CHLSN: variants seen among roughly 807,000 people sequenced by gnomAD.
The protein encoded by CHLSN is protein cholesin.
chr7:1,086,629 C>T, the CHLSN span, among the ~76,000 whole-genome samples: 1 of 152,212 alleles, frequency 6.6e-6, no homozygotes. Flanking sequence ...CCCCTGGAGG[C>T]CCAGCACCCC....
the CHLSN span, chr7:1,059,203 A>C: frequency 6.0e-6 from 1 of 167,504 alleles, no homozygotes; most frequent in South Asian, 2.1e-4. Flanking sequence ...AACCTGTCCT[A>C]AATCAATTCC....
the CHLSN span, among the ~76,000 whole-genome samples, chr7:1,010,845 C>A: frequency 2.4e-3 from 359 of 152,294 alleles, 1 homozygote; most frequent in Admixed American, 5.4e-3. Flanking sequence ...CCGCTGTCCA[C>A]ATGCTTCGTC....
the CHLSN span, among the ~76,000 whole-genome samples, chr7:1,064,513 G>A: frequency 3.3e-5 from 5 of 152,310 alleles, no homozygotes; most frequent in South Asian, 4.1e-4. Context: ...GCTTCCCACA[G>A]CGCCTAAACG....
At chr7:1,092,585 G>T in the CHLSN span, 1 of 1,611,252 alleles carries the variant, frequency 6.2e-7, no homozygotes, top group Non-Finnish European at 8.5e-7. Flanking sequence ...CTCCTGCAGC[G>T]GACGCAGCCT....
the CHLSN span, among the ~76,000 whole-genome samples, chr7:1,077,166 A>AT: frequency 6.6e-6 from 1 of 151,808 alleles, no homozygotes; most frequent in South Asian, 2.1e-4. Flanking sequence ...ATTTATTTTT[A>AT]TTTTTTTGAG....
the CHLSN span, among the ~76,000 whole-genome samples, chr7:1,014,850 G>A: frequency 6.6e-6 from 1 of 152,358 alleles, no homozygotes; most frequent in Non-Finnish European, 1.5e-5. Flanking sequence ...GTCCCGGCCT[G>A]AGCCCAGCTC....
the CHLSN span, among the ~76,000 whole-genome samples, chr7:1,106,077 C>A: frequency 6.6e-6 from 1 of 152,212 alleles, no homozygotes; most frequent in Admixed American, 6.5e-5. Context: ...AGGAAACGAA[C>A]GGGAAATGCA....
the CHLSN span, among the ~76,000 whole-genome samples, chr7:1,098,668 C>A: frequency 5.5e-5 from 8 of 146,698 alleles, no homozygotes. Flanking sequence ...GGAGCTGCCA[C>A]GCTCGGTGAG....
At chr7:1,092,003 C>A in the CHLSN span, 2 of 1,614,138 alleles carry the variant, frequency 1.2e-6, no homozygotes, top group Non-Finnish European at 1.7e-6. Context: ...GAGAAGATGA[C>A]CATCCCCGAC....
the CHLSN span, chr7:1,109,345 A>G: frequency 2.0e-5 from 3 of 152,234 alleles, no homozygotes; most frequent in Non-Finnish European, 4.4e-5. Flanking sequence ...CAATAAAAGA[A>G]TTAAGACCCT....
chr7:1,127,661 G>A, the CHLSN span, among the ~76,000 whole-genome samples: 15,425 of 42,870 alleles, frequency 0.36, 2,896 homozygotes, highest in East Asian at 0.64. Flanking sequence ...GCACAATCTC[G>A]GCTCATCCCA....
At chr7:1,132,116 C>G in the CHLSN span, among the ~76,000 whole-genome samples, 1 of 152,184 alleles carries the variant, frequency 6.6e-6, no homozygotes, top group South Asian at 2.1e-4. Context: ...GAAGAAAACA[C>G]AGGATTAAAT....
the CHLSN span, among the ~76,000 whole-genome samples, chr7:1,070,425 C>G: frequency 8.2e-6 from 1 of 122,282 alleles, no homozygotes; most frequent in South Asian, 2.7e-4. Flanking sequence ...CCGGCCGCCC[C>G]TACTGGGAAG....
At chr7:1,093,282 G>T in the CHLSN span, 1 of 436,858 alleles carries the variant, frequency 2.3e-6, no homozygotes, top group East Asian at 7.0e-5. Flanking sequence ...CTGCCACCGT[G>T]GGGGAACTGA....
the CHLSN span, chr7:1,093,936 C>A: frequency 3.1e-6 from 1 of 327,318 alleles, no homozygotes; most frequent in Non-Finnish European, 6.1e-6. Flanking sequence ...CCTGAAAACT[C>A]TCACAAGGCC....
At chr7:1,073,232 C>T in the CHLSN span, among the ~76,000 whole-genome samples, 15,542 of 152,194 alleles carry the variant, frequency 0.1, 1,040 homozygotes, top group South Asian at 0.15. Context: ...CACCCTCCTT[C>T]GGTGTGAATT....
At chr7:1,134,763 G>C in the CHLSN span, among the ~76,000 whole-genome samples, 2 of 151,098 alleles carry the variant, frequency 1.3e-5, no homozygotes, top group Non-Finnish European at 2.9e-5. Flanking sequence ...CAGCTACTCA[G>C]CTACTCGGGA....
chr7:1,027,599 G>A, the CHLSN span, among the ~76,000 whole-genome samples: 4 of 152,266 alleles, frequency 2.6e-5, no homozygotes, highest in Non-Finnish European at 5.9e-5. Context: ...CCGTCCTCAG[G>A]AAGGCTCCCG....
the CHLSN span, chr7:1,057,871 C>G: frequency 1.3e-6 from 1 of 777,360 alleles, no homozygotes; most frequent in Non-Finnish European, 2.4e-6. Flanking sequence ...GCCATGTACT[C>G]CACCGCCCTG....
Sources: gnomAD v4.1 joint callset for allele counts (sites outside exome capture counted in the v4.1 genomes callset) on GRCh38, gnomAD v4.1.1 for gene constraint, MANE v1.5 for transcripts, NCBI Gene and HGNC (gene_info 2026-07-23, HGNC 2026-07-21) for gene names.